CCDC192: variants seen among roughly 807,000 people sequenced by gnomAD.
CCDC192 encodes coiled-coil domain containing 192, also known as coiled-coil domain-containing protein 192.
chr5:127,897,105 A>G (rs1752914809), intron 6 of CCDC192, among the ~76,000 whole-genome samples: 1 of 151,824 alleles, frequency 6.6e-6, no homozygotes, highest in Non-Finnish European at 1.5e-5. Context: ...CCTTTTAAAT[A>G]GACTTTTAGT....
chr5:127,924,954 A>G (rs1753824358), intron 6 of CCDC192, among the ~76,000 whole-genome samples: 1 of 152,220 alleles, frequency 6.6e-6, no homozygotes, highest in African/African-American at 2.4e-5. Flanking sequence ...AATCATAGCC[A>G]CAGAATTTTT....
rs575334214 is a variant in CCDC192 at position 127,919,071 on chromosome 5, A to G, written c.536-22111A>G. 1.7e-3 allele frequency among the ~76,000 whole-genome samples: 221 copies of G among 132,372 alleles called. 1 individual carries two copies. The highest frequency in any genetic ancestry group is 7.0e-3 in the African/African-American group (211 of 30,198). The allele number at this position is 132,372 out of a possible 152,430, so 86.8% of individuals were successfully genotyped here. ...TCTGTGTGTGTATGTGTGTGTGTATATATGTGTGTGTGTGTGTGTGTGTGT... is the reference window on the plus strand; with the variant it reads ...TCTGTGTGTGTATGTGTGTGTGTATGTATGTGTGTGTGTGTGTGTGTGTGT... On this transcript the variant is annotated intron_variant, in intron 6 of 6. Coordinates refer to ENST00000514853, the MANE Select transcript of CCDC192 (RefSeq NM_001317938.2).
chr5:127,821,368 G>T (rs1347405110), intron 5 of CCDC192, among the ~76,000 whole-genome samples: 2 of 152,190 alleles, frequency 1.3e-5, no homozygotes, highest in Non-Finnish European at 1.5e-5. Context: ...GTATCCTGTT[G>T]TTGGTGGAGA....
At chr5:127,711,273 A>G in intron 2 of CCDC192, among the ~76,000 whole-genome samples, 1 of 152,216 alleles carries the variant, frequency 6.6e-6, no homozygotes, top group South Asian at 2.1e-4. Flanking sequence ...TAGGCTTATT[A>G]TAAAATCCCA....
intron 6 of CCDC192, among the ~76,000 whole-genome samples, chr5:127,919,811 G>T (rs1753657062): frequency 6.6e-6 from 1 of 152,008 alleles, no homozygotes; most frequent in South Asian, 2.1e-4. Context: ...CTCTCTCTGT[G>T]TCCCTCTGTC....
chr5:127,718,802 A>G (rs1751790837), intron 2 of CCDC192, among the ~76,000 whole-genome samples: 1 of 152,164 alleles, frequency 6.6e-6, no homozygotes, highest in South Asian at 2.1e-4. Flanking sequence ...TGGGGTACAT[A>G]AGATGAAATA....
chr5:127,808,866 A>C (rs1757932295), intron 5 of CCDC192, among the ~76,000 whole-genome samples: 1 of 152,200 alleles, frequency 6.6e-6, no homozygotes, highest in African/African-American at 2.4e-5. Context: ...ACCTTGTTCA[A>C]TGAATGAGAA....
intron 5 of CCDC192, among the ~76,000 whole-genome samples, chr5:127,820,587 A>G (rs927893875): frequency 6.6e-6 from 1 of 152,228 alleles, no homozygotes; most frequent in Non-Finnish European, 1.5e-5. Flanking sequence ...ATCTCAAAAA[A>G]TATATGTATC....
At chr5:127,886,430 A>G (rs1446086191) in intron 6 of CCDC192, among the ~76,000 whole-genome samples, 1 of 152,138 alleles carries the variant, frequency 6.6e-6, no homozygotes, top group Non-Finnish European at 1.5e-5. Context: ...GTGCTGGTCC[A>G]CTTATACCCA....
At chr5:127,929,690 A>G (rs1323208834) in intron 6 of CCDC192, among the ~76,000 whole-genome samples, 2 of 152,212 alleles carry the variant, frequency 1.3e-5, no homozygotes, top group Non-Finnish European at 2.9e-5. Flanking sequence ...ATTATCAAAG[A>G]ATAGCCCTAA....
chr5:127,754,950 T>C (rs535567476), intron 3 of CCDC192, among the ~76,000 whole-genome samples: 96 of 152,338 alleles, frequency 6.3e-4, no homozygotes, highest in African/African-American at 2.2e-3. Flanking sequence ...AGCTCCATGA[T>C]TTCAGAGACA....
At chr5:127,725,801 T>G (rs1412948020) in intron 2 of CCDC192, among the ~76,000 whole-genome samples, 1 of 152,170 alleles carries the variant, frequency 6.6e-6, no homozygotes, top group Admixed American at 6.5e-5. Context: ...AAAATAAGTA[T>G]TCTAAACTGT....
intron 5 of CCDC192, among the ~76,000 whole-genome samples, chr5:127,805,009 A>G (rs997134809): frequency 6.6e-6 from 1 of 152,154 alleles, no homozygotes; most frequent in African/African-American, 2.4e-5. Flanking sequence ...GGATTGAGAC[A>G]TGGAGACATG....
At chr5:127,938,792 C>G (rs998469411) in intron 6 of CCDC192, among the ~76,000 whole-genome samples, 13 of 152,204 alleles carry the variant, frequency 8.5e-5, no homozygotes, top group African/African-American at 3.1e-4. Context: ...GCTTAATGGT[C>G]ACATGTGACT....
At chr5:127,744,287 G>A (rs1753614731) in intron 2 of CCDC192, among the ~76,000 whole-genome samples, 1 of 151,650 alleles carries the variant, frequency 6.6e-6, no homozygotes, top group Non-Finnish European at 1.5e-5. Flanking sequence ...GATCAGCTGG[G>A]GAAAGACTTG....
chr5:127,894,187 ATT>A lies in CCDC192; in HGVS notation c.535+18548_535+18549del, dbSNP rs70997350. On this transcript the variant is annotated intron_variant, in intron 6 of 6. Transcript: ENST00000514853. ...TGCTCGGATACTTTAGTCCTATCTA[ATT>A]TTTTTTTTTTTTTTTTTTTTTGAGA... Among the ~76,000 whole-genome samples, 518 of 110,994 alleles carry A rather than the reference ATT, an allele frequency of 4.7e-3. 3 individuals are homozygous for A. The highest frequency in any genetic ancestry group is 0.014 in the African/African-American group (446 of 31,600). The allele number at this position is 110,994 out of a possible 152,430, so 72.8% of individuals were successfully genotyped here.
chr5:127,932,366 G>A (rs992613959), intron 6 of CCDC192, among the ~76,000 whole-genome samples: 3 of 151,864 alleles, frequency 2.0e-5, no homozygotes, highest in East Asian at 2.0e-4. Flanking sequence ...CACCACGCCC[G>A]GCTAATTTTG....
chr5:127,923,393 C>T (rs1001902951), intron 6 of CCDC192, among the ~76,000 whole-genome samples: 2,043 of 111,292 alleles, frequency 0.018, 27 homozygotes, highest in African/African-American at 0.058. Context: ...TTTTTTTTTT[C>T]TTGAGACAGA....
In CCDC192 at chr5:127,910,604, T is replaced by C. The variant is rs546788105; in HGVS notation, c.536-30578T>C. Among the ~76,000 whole-genome samples the C allele has an allele frequency of 2.2e-3, 328 of 152,294 alleles. 3 individuals carry two copies. Among genetic ancestry groups the C allele is most frequent in the Middle Eastern group, 0.014 (4 of 294 alleles). ...CTGAACAAATATGTAGAAGCGTAAA[T>C]AACTGAATGTAGCACAATTCCCCAA... On this transcript the variant is annotated intron_variant, in intron 6 of 6. Coordinates refer to ENST00000514853, the MANE Select transcript of CCDC192 (RefSeq NM_001317938.2).
Sources: allele counts gnomAD v4.1 joint callset (sites outside exome capture counted in the v4.1 genomes callset), GRCh38; gene constraint gnomAD v4.1.1; transcripts MANE v1.5; gene names NCBI Gene and HGNC (gene_info 2026-07-23, HGNC 2026-07-21).